Variants in FSTL4 observed in about 807,000 individuals in gnomAD.
FSTL4 encodes follistatin like 4.
Under a neutral mutation model 78.2 loss-of-function variants are expected in FSTL4, and 28 were observed. That is an observed-to-expected ratio of 0.36 (90% CI 0.27 to 0.49). The LOEUF (loss-of-function observed/expected upper bound fraction) is 0.49. Ranked by LOEUF, FSTL4 falls within the 20% of genes least tolerant of loss-of-function variation. The pLI, the probability that FSTL4 is intolerant of heterozygous loss-of-function variation, is 0.98. For missense variants in FSTL4, 922 were observed against 1,084.9 expected (o/e 0.85, Z 2.11); for synonymous variants, 422 against 440.5 (o/e 0.96, Z 0.53).
intron 4 of FSTL4, among the ~76,000 whole-genome samples, chr5:133,328,077 C>T (rs1309260409): frequency 6.6e-6 from 1 of 152,218 alleles, no homozygotes; most frequent in Non-Finnish European, 1.5e-5. Flanking sequence ...GAACCACAAA[C>T]AGAATCTGCA....
Position 133,225,311 on chromosome 5 carries a change from G to T in FSTL4, c.1178-27C>A. The T allele has an allele frequency of 1.2e-6, 2 of 1,613,852 alleles. No homozygotes were observed. Among genetic ancestry groups the T allele is most frequent in the South Asian group, 2.2e-5 (2 of 91,078 alleles). On this transcript the variant is annotated intron_variant, in intron 9 of 15. Transcript: ENST00000265342. This position sits in a 1 kb window ranked among gnomAD's most constrained non-coding sequence, Gnocchi z 4.6. ...TGCAGACAGGACAGTGCTCAGGGTG[G>T]ACTGCTCAGCTGGAGACCCACTCAC...
chr5:133,239,467 G>C (rs1201487523), intron 7 of FSTL4, among the ~76,000 whole-genome samples: 2 of 152,210 alleles, frequency 1.3e-5, no homozygotes, highest in African/African-American at 4.8e-5. Flanking sequence ...CTAGCTAAGG[G>C]ATTGTAAATA....
chr5:133,297,325 C>T (rs1456314704), intron 6 of FSTL4, among the ~76,000 whole-genome samples: 1 of 152,094 alleles, frequency 6.6e-6, no homozygotes, highest in East Asian at 1.9e-4. Context: ...GTGTGAGCCC[C>T]AGGGTTCCAG....
chr5:133,197,364 C>G lies in FSTL4; in HGVS notation c.*1731G>C, dbSNP rs533384839. 2.6e-5 allele frequency: 4 copies of G among 152,268 alleles called. No individual in the cohort carries two copies. The highest frequency in any genetic ancestry group is 2.6e-4 in the Admixed American group (4 of 15,298). The allele number at this position is 152,268 out of a possible 1,614,324, so 9.4% of individuals were successfully genotyped here. On this transcript the variant is annotated 3_prime_UTR_variant, in exon 16 of 16. Transcript: ENST00000265342. ...CTGCATTCTAGGCTTTTGAGGTGAG[C>G]TTCCTCAACTTATATCTACATAGCA...
chr5:133,761,547 T>C, the FSTL4 span, among the ~76,000 whole-genome samples: 1 of 152,228 alleles, frequency 6.6e-6, no homozygotes, highest in Non-Finnish European at 1.5e-5. Flanking sequence ...AACAATCGTT[T>C]GCTTCTTCCA....
At chr5:133,693,146 T>C in the FSTL4 span, among the ~76,000 whole-genome samples, 1 of 152,214 alleles carries the variant, frequency 6.6e-6, no homozygotes, top group Non-Finnish European at 1.5e-5. Context: ...GACAGGGTCT[T>C]GACAGGGCCA....
the FSTL4 span, among the ~76,000 whole-genome samples, chr5:133,676,273 T>A: frequency 6.6e-5 from 10 of 152,250 alleles, no homozygotes; most frequent in African/African-American, 2.2e-4. Flanking sequence ...ATTTCTTCTA[T>A]CTTATAACCC....
chr5:133,639,952 T>G, the FSTL4 span, among the ~76,000 whole-genome samples: 1 of 152,152 alleles, frequency 6.6e-6, no homozygotes, highest in Non-Finnish European at 1.5e-5. Context: ...AGAACTGACT[T>G]CTTAGAAAGA....
Position 133,370,562 on chromosome 5 carries a change from G to A in FSTL4, c.409+30176C>T, listed in dbSNP as rs1277501486. 4.6e-5 allele frequency among the ~76,000 whole-genome samples: 7 copies of A among 152,264 alleles called. No homozygotes were observed. The South Asian group carries it at 1.5e-3, about 32-fold the overall frequency. On this transcript the variant is annotated intron_variant, in intron 4 of 15. Transcript: ENST00000265342. ...GCCAGCGTGCTCAGGGTCCTGTGTG[G>A]TCTGGCTTCCTAGGCAGAGTTGTGT...
At chr5:133,644,979 T>C in the FSTL4 span, among the ~76,000 whole-genome samples, 7 of 152,300 alleles carry the variant, frequency 4.6e-5, no homozygotes, top group East Asian at 9.7e-4. Context: ...TCAGTTCTCA[T>C]AGGGCTCTGT....
intron 7 of FSTL4, among the ~76,000 whole-genome samples, chr5:133,234,889 G>A (rs1370571821): frequency 2.0e-5 from 3 of 152,188 alleles, no homozygotes; most frequent in Non-Finnish European, 4.4e-5. Flanking sequence ...GATATACACA[G>A]GGGATGTTAT....
the FSTL4 span, among the ~76,000 whole-genome samples, chr5:133,735,240 A>G: frequency 6.6e-6 from 1 of 152,234 alleles, no homozygotes; most frequent in African/African-American, 2.4e-5. Context: ...TGAGGGAGGC[A>G]TATCACGAGG....
At chr5:133,526,373 A>G (rs1320727832) in intron 3 of FSTL4, among the ~76,000 whole-genome samples, 2 of 152,124 alleles carry the variant, frequency 1.3e-5, no homozygotes, top group Non-Finnish European at 1.5e-5. Context: ...CTTTGCAGAG[A>G]TGAGATCTCA....
At chr5:133,341,225 ATTTTTTT>A in intron 4 of FSTL4, among the ~76,000 whole-genome samples, 1 of 125,492 alleles carries the variant, frequency 8.0e-6, no homozygotes, top group South Asian at 2.6e-4. Flanking sequence ...TCCTGCTCAC[ATTTTTTT>A]TTTTTTTTTT....
rs1450056223 is a variant in FSTL4, at chr5:133,359,258, A to C, written c.409+41480T>G. ...AGTTTCCTTGGGACAGATTCCTGGC[A>C]GTAGAGAAGCTGCGTCAAAAGGCGC... On this transcript the variant is annotated intron_variant, in intron 4 of 15. Coordinates refer to ENST00000265342, the MANE Select transcript of FSTL4 (RefSeq NM_015082.2). 2.6e-5 allele frequency among the ~76,000 whole-genome samples: 4 copies of C among 152,234 alleles called. No homozygotes were observed. In the East Asian group the frequency reaches 5.8e-4, roughly 22 times the overall value.
chr5:133,292,736 A>AC (rs1753295754), intron 6 of FSTL4, among the ~76,000 whole-genome samples: 1 of 100,464 alleles, frequency 1.0e-5, no homozygotes, highest in Non-Finnish European at 2.5e-5. Flanking sequence ...GTGAAAAGAG[A>AC]CAAAAAAAAA....
the FSTL4 span, among the ~76,000 whole-genome samples, chr5:133,639,929 C>CA: frequency 6.6e-6 from 1 of 151,674 alleles, no homozygotes; most frequent in African/African-American, 2.4e-5. Context: ...GAGCCAAGAA[C>CA]AAAAAAAGAG....
At position 133,477,995 on chromosome 5, in the gene FSTL4, A is replaced by C. The variant is rs546432397; in HGVS notation, c.161-77009T>G. Among the ~76,000 whole-genome samples, 17 of 152,346 alleles carry C rather than the reference A, an allele frequency of 1.1e-4. 1 individual carries two copies. Among genetic ancestry groups the C allele is most frequent in the Middle Eastern group, 3.4e-3 (1 of 294 alleles). On this transcript the variant is annotated intron_variant, in intron 3 of 15. Transcript: ENST00000265342. ...AGCGATGACATCTGAGGGAGACGCC[A>C]ATCATTAATGCCAGCCATACAAGTA...
At chr5:133,567,841 G>A (rs1384412760) in intron 2 of FSTL4, among the ~76,000 whole-genome samples, 1 of 152,182 alleles carries the variant, frequency 6.6e-6, no homozygotes, top group African/African-American at 2.4e-5. Context: ...AGGGCAATAA[G>A]CAAAGTGTTT....
Sources: allele counts gnomAD v4.1 joint callset (sites outside exome capture counted in the v4.1 genomes callset), GRCh38; gene constraint gnomAD v4.1.1; non-coding constraint Gnocchi (gnomAD v3.1); transcripts MANE v1.5; gene names NCBI Gene and HGNC (gene_info 2026-07-23, HGNC 2026-07-21).